Variants in CASD1 observed in about 807,000 individuals in gnomAD.
The protein encoded by CASD1 is CAS1 domain sialic acid O acetyltransferase 1.
CASD1 carries 41 observed loss-of-function variants against 100.0 expected under a neutral mutation model. The ratio of observed to expected loss-of-function variants is 0.41; its 90% CI spans 0.32 to 0.53. The LOEUF is 0.53. Among genes scored for constraint, CASD1 ranks in the 20% least tolerant of loss-of-function variants. The pLI is 0.25. For synonymous variants in CASD1, 321 were observed against 315.6 expected (o/e 1.02, Z -0.18); for missense variants, 774 against 948.7 (o/e 0.82, Z 2.42).
At chr7:94,582,918 T>G in the CASD1 span, among the ~76,000 whole-genome samples, 6 of 152,214 alleles carry the variant, frequency 3.9e-5, no homozygotes, top group Admixed American at 3.9e-4. Context: ...AGGCATTCAG[T>G]AAGGAAGCAA....
chr7:94,599,191 A>G, the CASD1 span: 1 of 482,698 alleles, frequency 2.1e-6, no homozygotes, highest in South Asian at 2.9e-5. Context: ...GTTTTATTAA[A>G]CTAAGCTATG....
the CASD1 span, chr7:94,621,646 T>C: frequency 2.6e-5 from 4 of 152,196 alleles, no homozygotes; most frequent in South Asian, 2.1e-4. Context: ...GAGAGCATAA[T>C]GGTGAGGTGA....
intron 5 of CASD1, among the ~76,000 whole-genome samples, chr7:94,530,505 C>A (rs1226144029): frequency 6.6e-6 from 1 of 152,036 alleles, no homozygotes; most frequent in African/African-American, 2.4e-5. Flanking sequence ...CTAAATACTT[C>A]AGGGTGTATT....
intron 11 of CASD1, 58 bp from the exon 12 acceptor site, chr7:94,545,487 G>A (rs1795630280): frequency 5.1e-6 from 7 of 1,366,548 alleles, no homozygotes; most frequent in Non-Finnish European, 7.2e-6. Flanking sequence ...CTGTTCGTGT[G>A]TACCTAGAAT....
chr7:94,629,290 T>C, the CASD1 span: 3 of 160,058 alleles, frequency 1.9e-5, no homozygotes, highest in Non-Finnish European at 2.7e-5. Flanking sequence ...TGGAGTTATA[T>C]AAAATTATCT....
chr7:94,603,429 T>G, the CASD1 span: 1 of 1,613,402 alleles, frequency 6.2e-7, no homozygotes. Flanking sequence ...AAACGGGACA[T>G]CTGCACCAAC....
chr7:94,555,839 A>G lies in CASD1; in HGVS notation c.*81A>G. On this transcript the variant is annotated 3_prime_UTR_variant, in exon 18 of 18. Coordinates refer to ENST00000297273, the MANE Select transcript of CASD1 (RefSeq NM_022900.5). Reference sequence around the variant, plus strand: ...AAGAGAAAAGCATCTATCTGGAGATATAAATGTGTATGTAAATATAAACGT... The same window carrying G: ...AAGAGAAAAGCATCTATCTGGAGATGTAAATGTGTATGTAAATATAAACGT... 1 of 1,353,270 alleles carries G rather than the reference A, an allele frequency of 7.4e-7. No homozygotes were observed. Among genetic ancestry groups the G allele is most frequent in the African/African-American group, 1.5e-5 (1 of 68,832 alleles). The allele number at this position is 1,353,270 out of a possible 1,614,324, so 83.8% of individuals were successfully genotyped here. A position where few individuals can be genotyped will look rare whatever the true frequency, so the allele number is the denominator to read the frequency against.
At chr7:94,631,149 G>GTACTAA in the CASD1 span, among the ~76,000 whole-genome samples, 1 of 116,578 alleles carries the variant, frequency 8.6e-6, no homozygotes, top group African/African-American at 2.7e-5. Flanking sequence ...GATTTGTTTT[G>GTACTAA]TACTAGTATT....
At chr7:94,632,372 G>A in the CASD1 span, among the ~76,000 whole-genome samples, 18 of 152,112 alleles carry the variant, frequency 1.2e-4, no homozygotes, top group South Asian at 2.1e-4. Flanking sequence ...ACATTTCTGC[G>A]TTCTACAGAG....
the CASD1 span, among the ~76,000 whole-genome samples, chr7:94,608,561 T>C: frequency 2.0e-5 from 3 of 152,290 alleles, no homozygotes; most frequent in South Asian, 2.1e-4. Context: ...TTGCAGATAT[T>C]AACAAACTTA....
At chr7:94,570,947 C>G in the CASD1 span, among the ~76,000 whole-genome samples, 2 of 151,816 alleles carry the variant, frequency 1.3e-5, no homozygotes, top group Non-Finnish European at 2.9e-5. Flanking sequence ...AGTCCTTTAC[C>G]CTGAAGTACT....
chr7:94,541,572 T>C (rs976003980), intron 10 of CASD1, among the ~76,000 whole-genome samples: 9 of 107,552 alleles, frequency 8.4e-5, no homozygotes, highest in African/African-American at 2.8e-4. Flanking sequence ...TTTTTTGCCC[T>C]TGGAGAGTTT....
intron 3 of CASD1, among the ~76,000 whole-genome samples, chr7:94,526,565 G>T (rs1434003891): frequency 6.6e-6 from 1 of 152,190 alleles, no homozygotes; most frequent in East Asian, 1.9e-4. Flanking sequence ...GAGGTGAGTG[G>T]ATCACTTGAG....
chr7:94,574,213 G>A, the CASD1 span, among the ~76,000 whole-genome samples: 1 of 152,116 alleles, frequency 6.6e-6, no homozygotes, highest in African/African-American at 2.4e-5. Flanking sequence ...TCTCTGACAG[G>A]TTTTGGTATC....
chr7:94,555,662 A>G lies in CASD1; in HGVS notation c.2298A>G (p.Lys766=), dbSNP rs571000213. 5 of 1,613,314 alleles carry G rather than the reference A, an allele frequency of 3.1e-6. No homozygotes were observed. The highest frequency in any genetic ancestry group is 3.4e-6 in the Non-Finnish European group (4 of 1,179,590). Residue 766 remains lysine, a synonymous_variant, in exon 18 of 18, where the codon AAA becomes AAG. Coordinates refer to ENST00000297273, the MANE Select transcript of CASD1 (RefSeq NM_022900.5). ...ATCTTGCACAGATTATTATTCCTAA[A>G]GATAACTCATCTCTCTTGAAAAGGT... ...TNDLAQIIIP[K]DNSSLLKRLA... is the part of the protein sequence containing the mutation.
intron 6 of CASD1, 71 bp from the exon 7 acceptor site, chr7:94,533,608 G>A (rs767071619): frequency 3.0e-5 from 34 of 1,116,202 alleles, no homozygotes; most frequent in Non-Finnish European, 4.2e-5. Flanking sequence ...ACTTGTTACA[G>A]TAGGTAAATT....
In CASD1 at chr7:94,556,869, G is replaced by A. The variant is rs1796226962; in HGVS notation, c.*1111G>A. Reference sequence around the variant, plus strand: ...TTTTAATGTTTGAAAGATTGCACTTGTTTGCTTTTACTATATGTGGGGTAA... The same window carrying A: ...TTTTAATGTTTGAAAGATTGCACTTATTTGCTTTTACTATATGTGGGGTAA... On this transcript the variant is annotated 3_prime_UTR_variant, in exon 18 of 18. Coordinates refer to ENST00000297273, the MANE Select transcript of CASD1 (RefSeq NM_022900.5). 1 of 151,866 alleles carries A rather than the reference G, an allele frequency of 6.6e-6. No individual in the cohort carries two copies. The highest frequency in any genetic ancestry group is 2.4e-5 in the African/African-American group (1 of 41,376). The allele number at this position is 151,866 out of a possible 1,614,324, so 9.4% of individuals were successfully genotyped here. A position where few individuals can be genotyped will look rare whatever the true frequency, so the allele number is the denominator to read the frequency against.
chr7:94,562,898 T>G, the CASD1 span, among the ~76,000 whole-genome samples: 1 of 150,842 alleles, frequency 6.6e-6, no homozygotes, highest in Non-Finnish European at 1.5e-5. Flanking sequence ...GCTGACCCCC[T>G]TTTTTTTTAT....
chr7:94,524,832 T>C (rs1335075202), intron 3 of CASD1, among the ~76,000 whole-genome samples: 3 of 152,142 alleles, frequency 2.0e-5, no homozygotes, highest in African/African-American at 7.2e-5. Context: ...GGGAATGTTC[T>C]AGGTTATACG....
Sources: gnomAD v4.1 joint callset for allele counts (sites outside exome capture counted in the v4.1 genomes callset) on GRCh38, gnomAD v4.1.1 for gene constraint, MANE v1.5 for transcripts, NCBI Gene and HGNC (gene_info 2026-07-23, HGNC 2026-07-21) for gene names.